The following CYRIB variants were observed in gnomAD, a reference collection of about 807,000 sequenced individuals.
The protein encoded by CYRIB is CYFIP related Rac1 interactor B, also known as CYFIP-related Rac1 interactor B.
CYRIB carries 8 observed loss-of-function variants against 44.2 expected under a neutral mutation model. The ratio of observed to expected loss-of-function variants is 0.18; its 90% CI spans 0.11 to 0.33. The LOEUF (loss-of-function observed/expected upper bound fraction) is 0.33. Among genes scored for constraint, CYRIB ranks in the 10% least tolerant of loss-of-function variants. CYRIB has a pLI of 1.00. For synonymous variants in CYRIB, 131 were observed against 127.2 expected (o/e 1.03, Z -0.20); for missense variants, 185 against 382.8 (o/e 0.48, Z 4.31).
intron 2 of CYRIB, among the ~76,000 whole-genome samples, chr8:129,881,000 T>C (rs2060621593): frequency 6.6e-6 from 1 of 152,232 alleles, no homozygotes; most frequent in Non-Finnish European, 1.5e-5. Context: ...TTCTGTCTCC[T>C]AAGATTAATC....
chr8:129,859,768 C>T (rs2048340823), intron 5 of CYRIB, among the ~76,000 whole-genome samples: 1 of 152,112 alleles, frequency 6.6e-6, no homozygotes, highest in South Asian at 2.1e-4. Flanking sequence ...AGTAATTGTA[C>T]CAATTAATGA....
chr8:129,867,052 G>A (rs1239871406), intron 4 of CYRIB, among the ~76,000 whole-genome samples: 4 of 152,180 alleles, frequency 2.6e-5, no homozygotes, highest in South Asian at 2.1e-4. Context: ...ACTTTGGGAC[G>A]CTGAGACAGA....
chr8:129,950,222 G>C (rs1284419723), intron 2 of CYRIB, among the ~76,000 whole-genome samples: 1 of 152,154 alleles, frequency 6.6e-6, no homozygotes, highest in African/African-American at 2.4e-5. Context: ...CTGACAGTCA[G>C]ACCCCGGGCT....
intron 1 of CYRIB, among the ~76,000 whole-genome samples, chr8:129,924,547 A>G (rs1422718824): frequency 6.6e-6 from 1 of 152,098 alleles, no homozygotes; most frequent in East Asian, 1.9e-4. Flanking sequence ...ATAAAAAACA[A>G]TTTTTTGTCC....
At chr8:129,881,219 A>G (rs2060691490) in intron 2 of CYRIB, among the ~76,000 whole-genome samples, 1 of 152,186 alleles carries the variant, frequency 6.6e-6, no homozygotes, top group Admixed American at 6.5e-5. Context: ...AAATGGGGTC[A>G]GAAACATCCA....
intron 2 of CYRIB, among the ~76,000 whole-genome samples, chr8:129,967,481 G>A (rs1393844505): frequency 2.9e-4 from 44 of 151,770 alleles, no homozygotes; most frequent in Non-Finnish European, 7.4e-5. Context: ...CCAGGTTCAC[G>A]CCATTCTCCT....
At chr8:129,996,324 C>T (rs2096764565) in intron 1 of CYRIB, among the ~76,000 whole-genome samples, 1 of 152,158 alleles carries the variant, frequency 6.6e-6, no homozygotes, top group African/African-American at 2.4e-5. Context: ...CACAAGCTCC[C>T]TGTATCAGCA....
chr8:129,978,958 A>C (rs1356220184), intron 1 of CYRIB, among the ~76,000 whole-genome samples: 1 of 152,068 alleles, frequency 6.6e-6, no homozygotes, highest in Admixed American at 6.6e-5. Flanking sequence ...CAACATAGTG[A>C]AACCTCCATC....
intron 1 of CYRIB, among the ~76,000 whole-genome samples, chr8:129,975,997 TC>T (rs2095898616): frequency 6.6e-6 from 1 of 152,070 alleles, no homozygotes; most frequent in Non-Finnish European, 1.5e-5. Flanking sequence ...GGAAATCTTA[TC>T]TGGAAATGAA....
intron 2 of CYRIB, among the ~76,000 whole-genome samples, chr8:129,962,729 C>T (rs1326529045): frequency 6.6e-6 from 1 of 152,142 alleles, no homozygotes; most frequent in African/African-American, 2.4e-5. Context: ...CGGGGTATTG[C>T]ATAACCAGCT....
chr8:129,875,625 TATC>T (rs1158258620), intron 3 of CYRIB, among the ~76,000 whole-genome samples: 1 of 152,060 alleles, frequency 6.6e-6, no homozygotes, highest in African/African-American at 2.4e-5. Flanking sequence ...AATAAAATCT[TATC>T]ATATAGGTGT....
At chr8:129,889,690 T>C (rs981479442) in intron 2 of CYRIB, among the ~76,000 whole-genome samples, 1 of 152,174 alleles carries the variant, frequency 6.6e-6, no homozygotes, top group African/African-American at 2.4e-5. Context: ...TAGAAGTTCA[T>C]CTTAGAAGGG....
intron 2 of CYRIB, among the ~76,000 whole-genome samples, chr8:129,955,082 C>T (rs560057375): frequency 1.1e-4 from 17 of 151,980 alleles, no homozygotes; most frequent in African/African-American, 4.1e-4. Flanking sequence ...GGTGAAGTCC[C>T]GTCTCTACTA....
chr8:129,977,218 T>C (rs922523089), intron 1 of CYRIB, among the ~76,000 whole-genome samples: 2 of 152,202 alleles, frequency 1.3e-5, no homozygotes, highest in Non-Finnish European at 2.9e-5. Flanking sequence ...CATCTTTTCT[T>C]GTGTTGTGCC....
chr8:129,858,422 A>G (rs749237143), intron 5 of CYRIB, among the ~76,000 whole-genome samples: 8 of 152,218 alleles, frequency 5.3e-5, no homozygotes, highest in Non-Finnish European at 8.8e-5. Flanking sequence ...GGAAAAGACA[A>G]CTAGAAGGAA....
upstream of CYRIB, among the ~76,000 whole-genome samples, chr8:129,941,220 A>T (rs2093668503): frequency 6.9e-6 from 1 of 144,614 alleles, no homozygotes; most frequent in Non-Finnish European, 1.5e-5. Context: ...GGATTCAGGG[A>T]TTCTATATTG....
chr8:129,875,933 G>C (rs2058949833), intron 3 of CYRIB, among the ~76,000 whole-genome samples: 1 of 152,042 alleles, frequency 6.6e-6, no homozygotes, highest in Admixed American at 6.6e-5. Context: ...GGCCAACATG[G>C]TGAAACCCCA....
rs1168983168 is a variant in CYRIB at position 129,967,547 on chromosome 8, T to A, written c.-243+3396A>T. ...GGCGCCTGCCACCATGCCCGGCTAA[T>A]TTTTTGTATTTTTAGTAGAGACGGG... is the stretch of plus-strand genomic sequence containing the variant. On this transcript the variant is annotated intron_variant, in intron 2 of 14. Coordinates refer to the CYRIB transcript ENST00000401979. Among the ~76,000 whole-genome samples the A allele has an allele frequency of 2.0e-5, 3 of 151,942 alleles. No individual in the cohort carries two copies. In the South Asian group the frequency reaches 6.2e-4, roughly 32 times the overall value.
rs114548371 is a variant in CYRIB at position 129,882,909 on chromosome 8, C to T, written c.-10-3438G>A. ...ACACAAACACTTAGTTTGAAAATGG[C>T]TCAGTTGGCTGGGCGCAGTGGCTCA... On this transcript the variant is annotated intron_variant, in intron 2 of 11. Transcript: ENST00000519824. 2.7e-3 allele frequency among the ~76,000 whole-genome samples: 403 copies of T among 151,936 alleles called. 1 individual carries two copies. The highest frequency in any genetic ancestry group is 9.4e-3 in the African/African-American group (389 of 41,428).
Sources: allele counts gnomAD v4.1 joint callset (sites outside exome capture counted in the v4.1 genomes callset), GRCh38; gene constraint gnomAD v4.1.1; transcripts MANE v1.5; gene names NCBI Gene and HGNC (gene_info 2026-07-23, HGNC 2026-07-21).